Variants in RAD51B observed in about 807,000 individuals in gnomAD.
The protein encoded by RAD51B is RAD51 paralog B.
Under a neutral mutation model 42.2 loss-of-function variants are expected in RAD51B, and 38 were observed. The ratio of observed to expected loss-of-function variants is 0.90; its 90% CI spans 0.70 to 1.18. The LOEUF (loss-of-function observed/expected upper bound fraction) is 1.18, where lower values mean the gene tolerates loss of function less well. Ranked by LOEUF, RAD51B falls within the 50% of genes most tolerant of loss-of-function variation. The pLI is 0.00. For missense variants in RAD51B, 373 were observed against 400.7 expected, an observed-to-expected ratio of 0.93 and a Z score of 0.59; for synonymous variants, 154 against 145.2, an observed-to-expected ratio of 1.06 and a Z score of -0.43.
At chr14:68,371,382 G>A (rs983777213) in intron 8 of RAD51B, among the ~76,000 whole-genome samples, 1 of 152,224 alleles carries the variant, frequency 6.6e-6, no homozygotes, top group African/African-American at 2.4e-5. Flanking sequence ...GCTGGGCGTG[G>A]TGGTGCATGC....
exon 11 of RAD51B, chr14:68,595,263 T>A: frequency 9.4e-7 from 1 of 1,061,326 alleles, no homozygotes; most frequent in African/African-American, 1.6e-5. Context: ...TTCCAGTTGC[T>A]TCTACAGGTT....
At chr14:67,946,377 G>GTTT (rs946268242) in intron 7 of RAD51B, among the ~76,000 whole-genome samples, 2 of 151,000 alleles carry the variant, frequency 1.3e-5, no homozygotes, top group African/African-American at 4.9e-5. Context: ...TGTTGTTGTT[G>GTTT]TTTTTTGTTT....
intron 11 of RAD51B, among the ~76,000 whole-genome samples, chr14:68,661,644 A>G (rs1040459013): frequency 6.6e-6 from 1 of 152,210 alleles, no homozygotes; most frequent in African/African-American, 2.4e-5. Context: ...AAGTGTTAGC[A>G]TGAAGGGGGC....
chr14:67,895,124 G>T (rs1279972457), intron 7 of RAD51B, among the ~76,000 whole-genome samples: 4 of 152,184 alleles, frequency 2.6e-5, no homozygotes, highest in Admixed American at 2.0e-4. Context: ...AGACTGATAG[G>T]TAGTGGTTAA....
At chr14:68,295,878 C>T (rs367891347) in intron 8 of RAD51B, among the ~76,000 whole-genome samples, 1 of 152,048 alleles carries the variant, frequency 6.6e-6, no homozygotes, top group African/African-American at 2.4e-5. Flanking sequence ...TAGACCTTGC[C>T]CCCCGCCCCC....
intron 7 of RAD51B, among the ~76,000 whole-genome samples, chr14:67,927,093 C>G (rs942596058): frequency 2.0e-5 from 3 of 152,098 alleles, no homozygotes; most frequent in African/African-American, 7.2e-5. Context: ...TGGTTCATAT[C>G]CATGAATGTA....
At chr14:67,910,128 A>G (rs547786115) in intron 7 of RAD51B, among the ~76,000 whole-genome samples, 8 of 152,052 alleles carry the variant, frequency 5.3e-5, no homozygotes, top group South Asian at 4.1e-4. Context: ...CCTTTGGCCC[A>G]TTTTCAAATT....
chr14:68,128,712 G>A (rs535267509), intron 7 of RAD51B, among the ~76,000 whole-genome samples: 180 of 152,096 alleles, frequency 1.2e-3, no homozygotes, highest in Non-Finnish European at 2.1e-3. Context: ...TGAGTGGGGG[G>A]GCTTGTAGAT....
intron 10 of RAD51B, among the ~76,000 whole-genome samples, chr14:68,601,009 T>A (rs977932672): frequency 2.0e-5 from 3 of 152,164 alleles, no homozygotes; most frequent in African/African-American, 7.2e-5. Context: ...CTTTCTTGAG[T>A]TTGGAAATTT....
chr14:68,676,302 C>G (rs1345925557), intron 11 of RAD51B, among the ~76,000 whole-genome samples: 1 of 152,150 alleles, frequency 6.6e-6, no homozygotes, highest in East Asian at 1.9e-4. Context: ...GAAGCTAGAA[C>G]CCCACCACAG....
At chr14:68,244,932 G>T (rs2080464243) in intron 7 of RAD51B, among the ~76,000 whole-genome samples, 1 of 152,184 alleles carries the variant, frequency 6.6e-6, no homozygotes, top group South Asian at 2.1e-4. Context: ...AGAAAACAAT[G>T]TCCTAACATT....
intron 10 of RAD51B, among the ~76,000 whole-genome samples, chr14:68,621,902 G>A (rs1321981217): frequency 6.6e-6 from 1 of 152,196 alleles, no homozygotes; most frequent in Admixed American, 6.5e-5. Flanking sequence ...GCAGGAGGCA[G>A]GCCAAGCAGC....
chr14:68,465,436 G>A (rs2085950417), intron 9 of RAD51B, among the ~76,000 whole-genome samples: 1 of 152,030 alleles, frequency 6.6e-6, no homozygotes, highest in Admixed American at 6.6e-5. Context: ...CCTAGAACCT[G>A]GCTACTCAAA....
chr14:68,354,214 T>G (rs1358280272), intron 8 of RAD51B, among the ~76,000 whole-genome samples: 3 of 123,420 alleles, frequency 2.4e-5, no homozygotes, highest in African/African-American at 3.3e-5. Flanking sequence ...TTTGGTTTTT[T>G]GGTTTTTTTT....
intron 7 of RAD51B, among the ~76,000 whole-genome samples, chr14:68,023,225 A>G (rs1413800381): frequency 2.0e-5 from 3 of 152,154 alleles, no homozygotes; most frequent in African/African-American, 7.2e-5. Context: ...TCTTTGAGAA[A>G]CCTTCAAACT....
chr14:68,320,327 G>T (rs2082134715), intron 8 of RAD51B, among the ~76,000 whole-genome samples: 3 of 152,140 alleles, frequency 2.0e-5, no homozygotes. Flanking sequence ...AAACCAATGG[G>T]GAAAGAAAGC....
intron 7 of RAD51B, among the ~76,000 whole-genome samples, chr14:68,268,986 C>T (rs1049975057): frequency 2.2e-4 from 33 of 152,186 alleles, no homozygotes; most frequent in African/African-American, 8.0e-4. Context: ...CAGGCGCCAC[C>T]CTTGGCCACC....
chr14:68,308,095 G>A (rs1012051908), intron 8 of RAD51B, among the ~76,000 whole-genome samples: 6 of 152,260 alleles, frequency 3.9e-5, no homozygotes, highest in African/African-American at 1.2e-4. Context: ...CTCGAGGAAT[G>A]TACGGTGGAT....
chr14:67,853,231 T>C (rs1318674671), intron 4 of RAD51B, among the ~76,000 whole-genome samples: 3 of 152,284 alleles, frequency 2.0e-5, no homozygotes, highest in Middle Eastern at 3.4e-3. Flanking sequence ...TGATTCTTAC[T>C]CCCAACCTCC....
Sources: gnomAD v4.1 joint callset for allele counts (sites outside exome capture counted in the v4.1 genomes callset) on GRCh38, gnomAD v4.1.1 for gene constraint, MANE v1.5 for transcripts, NCBI Gene and HGNC (gene_info 2026-07-23, HGNC 2026-07-21) for gene names.